The following NUP133 variants were observed in gnomAD, a reference collection of about 807,000 sequenced individuals.
NUP133 encodes the protein nuclear pore complex protein Nup133.
NUP133 carries 66 observed loss-of-function variants against 146.2 expected under a neutral mutation model. The observed-to-expected ratio is 0.45, with a 90% CI of 0.37 to 0.55. NUP133 has a LOEUF of 0.55. Ranked by LOEUF, NUP133 falls within the 20% of genes least tolerant of loss-of-function variation. The pLI is 0.00. For missense variants in NUP133, 1,277 were observed against 1,374.8 expected, an observed-to-expected ratio of 0.93 and a Z score of 1.12; for synonymous variants, 521 against 498.8, an observed-to-expected ratio of 1.04 and a Z score of -0.59.
chr1:229,477,666 G>C lies in NUP133; in HGVS notation c.1687C>G (p.Gln563Glu). The C allele has an allele frequency of 6.2e-7, 1 of 1,613,970 alleles. No homozygotes were observed. Among genetic ancestry groups the C allele is most frequent in the Non-Finnish European group, 8.5e-7 (1 of 1,179,938 alleles). Reference protein sequence around the residue: ...SDSELDRAVTQISVDLMDDYP... With the variant: ...SDSELDRAVTEISVDLMDDYP... ...TCATCCATCAGGTCTACACTGATTT[G>C]GGTAACTGCCCTGTCTAGTTCAGAA... The change falls in exon 13 of 26, where the codon CAA becomes GAA. Residue 563 changes from glutamine (Q) to glutamate (E), a missense_variant. This residue lies in a region of NUP133 where 952 missense variants were observed against 1,047.0 expected (regional missense o/e 0.91). Transcript: ENST00000261396.
chr1:229,472,785 G>A (rs1014196540), intron 14 of NUP133, among the ~76,000 whole-genome samples: 2 of 150,022 alleles, frequency 1.3e-5, no homozygotes, highest in East Asian at 3.9e-4. Context: ...GCTTCTGTAA[G>A]GTATGGAAAC....
At chr1:229,453,257 A>G (rs1660496120) in intron 21 of NUP133, among the ~76,000 whole-genome samples, 1 of 152,122 alleles carries the variant, frequency 6.6e-6, no homozygotes, top group East Asian at 1.9e-4. Context: ...ACAAATTTCC[A>G]TTTTTTAAAA....
At position 229,470,599 on chromosome 1, in the gene NUP133, G is replaced by A; in HGVS notation, c.2057C>T (p.Ala686Val). ...TCTTACCTCCCTGAAAAAGACATCT[G>A]CAGGAGTCAGGTTGGATGGGATTTC... ...EYEIPSNLTP[A>V]DVFFREVSQV... The change falls in exon 15 of 26, where the codon GCA (alanine) becomes GTA (valine). Residue 686 changes from alanine (A) to valine (V), a missense_variant. Physicochemically the swap from Ala to Val is moderately conservative, Grantham distance 64. Coordinates refer to ENST00000261396, the MANE Select transcript of NUP133 (RefSeq NM_018230.3). 1 of 1,614,022 alleles carries A rather than the reference G, an allele frequency of 6.2e-7. No homozygotes were observed. The highest frequency in any genetic ancestry group is 8.5e-7 in the Non-Finnish European group (1 of 1,179,864).
intron 2 of NUP133, among the ~76,000 whole-genome samples, chr1:229,504,776 A>G (rs1158928661): frequency 6.6e-6 from 1 of 152,210 alleles, no homozygotes; most frequent in Non-Finnish European, 1.5e-5. Flanking sequence ...CCTGTGGTCA[A>G]TCGTAGTCTG....
chr1:229,463,783 A>C, intron 18 of NUP133, 107 bp from the exon 19 acceptor site: 3 of 1,179,516 alleles, frequency 2.5e-6, no homozygotes, highest in Non-Finnish European at 3.5e-6. Flanking sequence ...TAAACCAACA[A>C]TCATTAATGG....
chr1:229,464,783 G>A lies in NUP133; in HGVS notation c.2392C>T (p.Arg798Ter), dbSNP rs757081632. ...ACCAGCTGCTCGGTCACGATGTTTC[G>A]GAGGTTGCTGTCTGCCTGTGGATAA... ...VAYPQADSNL[R>*]NIVTEQLVAL... Residue 798 changes from arginine (R) to a stop codon, truncating the protein, a stop_gained, in exon 18 of 26, where the codon CGA becomes TGA. Coordinates refer to ENST00000261396, the MANE Select transcript of NUP133 (RefSeq NM_018230.3). LOFTEE classifies it high-confidence loss of function. The A allele has an allele frequency of 1.9e-6, 3 of 1,614,144 alleles. No homozygotes were observed. Among genetic ancestry groups the A allele is most frequent in the Admixed American group, 1.7e-5 (1 of 60,018 alleles).
chr1:229,449,406 C>T lies in NUP133; in HGVS notation c.3181-216G>A, dbSNP rs971235826. 2.8e-5 allele frequency among the ~76,000 whole-genome samples: 4 copies of T among 145,040 alleles called. 1 individual carries two copies. Among genetic ancestry groups the T allele is most frequent in the African/African-American group, 7.7e-5 (3 of 38,952 alleles). ...TTTTTGAGACGGAGTCTCGCTCTGT[C>T]GCCCAAGCTGGAGTGCAGTGGCGCG... On this transcript the variant is annotated intron_variant, in intron 23 of 25. Coordinates refer to ENST00000261396, the MANE Select transcript of NUP133 (RefSeq NM_018230.3).
intron 21 of NUP133, among the ~76,000 whole-genome samples, chr1:229,457,259 ATT>A (rs1660590910): frequency 6.6e-6 from 1 of 152,220 alleles, no homozygotes; most frequent in South Asian, 2.1e-4. Context: ...AAGAAAATAT[ATT>A]GTTTTTAAAA....
chr1:229,447,334 T>C (rs1427887593), intron 24 of NUP133, among the ~76,000 whole-genome samples: 1 of 152,198 alleles, frequency 6.6e-6, no homozygotes, highest in Admixed American at 6.5e-5. Context: ...TACAATATGG[T>C]TAGAAGGTTA....
intron 24 of NUP133, among the ~76,000 whole-genome samples, chr1:229,447,973 C>T (rs936142499): frequency 1.3e-5 from 2 of 152,018 alleles, no homozygotes; most frequent in African/African-American, 2.4e-5. Flanking sequence ...AGCCAAAACC[C>T]GCCAAAACCC....
chr1:229,444,916 T>C lies in NUP133; in HGVS notation c.3332A>G (p.Asp1111Gly). Residue 1111 changes from aspartate to glycine, a missense_variant and splice_region_variant, in exon 25 of 26, where the codon GAT (aspartate) becomes GGT (glycine). Asp to Gly is a moderately conservative substitution (Grantham distance 94). This residue lies in a region of NUP133 where 952 missense variants were observed against 1,047.0 expected (regional missense o/e 0.91). Transcript: ENST00000261396. ...FVKILQKLLK[D>G]GIQLSEYLPE... is the part of the protein sequence containing the mutation. ...CGGTATAGTAACAAACCACTTACCATCTTTTAAAAGTTTCTGTAAGATCTT... is the reference window on the plus strand; with the variant it reads ...CGGTATAGTAACAAACCACTTACCACCTTTTAAAAGTTTCTGTAAGATCTT... 1 of 1,593,110 alleles carries C rather than the reference T, an allele frequency of 6.3e-7. No individual in the cohort carries two copies. Among genetic ancestry groups the C allele is most frequent in the Non-Finnish European group, 8.6e-7 (1 of 1,163,732 alleles).
At chr1:229,475,498 T>G (rs1661054465) in intron 14 of NUP133, 140 bp downstream of exon 14, 2 of 592,482 alleles carry the variant, frequency 3.4e-6, no homozygotes, top group East Asian at 2.7e-5. Context: ...AATTACGGAC[T>G]TTTAAATCAG....
intron 25 of NUP133, among the ~76,000 whole-genome samples, chr1:229,443,050 A>G (rs1660219479): frequency 6.6e-6 from 1 of 151,908 alleles, no homozygotes; most frequent in Non-Finnish European, 1.5e-5. Flanking sequence ...TTATTGAGAC[A>G]GGGTCTCCAC....
intron 14 of NUP133, among the ~76,000 whole-genome samples, chr1:229,475,320 A>G (rs771214736): frequency 3.9e-5 from 6 of 152,172 alleles, no homozygotes; most frequent in Non-Finnish European, 7.4e-5. Context: ...AATACTTTCA[A>G]TGAGGATTTG....
chr1:229,501,930 G>A, intron 3 of NUP133, 69 bp downstream of exon 3: 1 of 1,133,030 alleles, frequency 8.8e-7, no homozygotes, highest in Non-Finnish European at 1.3e-6. Flanking sequence ...AAAAAAATTA[G>A]GGTAAAAATG....
chr1:229,473,696 G>A (rs1476609606), intron 14 of NUP133, among the ~76,000 whole-genome samples: 1 of 152,154 alleles, frequency 6.6e-6, no homozygotes, highest in African/African-American at 2.4e-5. Flanking sequence ...GGCAGAGGCA[G>A]GCGATCACTT....
intron 8 of NUP133, 70 bp from the exon 9 acceptor site, chr1:229,490,172 C>T (rs992945522): frequency 1.5e-6 from 2 of 1,293,862 alleles, no homozygotes; most frequent in Non-Finnish European, 2.0e-6. Context: ...TAAAATTAAA[C>T]ATATGCTTCC....
At chr1:229,451,141 A>G (rs1010709737) in intron 22 of NUP133, 1 of 152,124 alleles carries the variant, frequency 6.6e-6, no homozygotes, top group Admixed American at 6.5e-5. Context: ...GCTCATGTCT[A>G]TAATCCCAGC....
chr1:229,460,097 T>C (rs549485125), intron 20 of NUP133, among the ~76,000 whole-genome samples: 1 of 152,344 alleles, frequency 6.6e-6, no homozygotes, highest in Admixed American at 6.5e-5. Context: ...TAAATTTGCA[T>C]TTCCCTAATG....
Sources: allele counts gnomAD v4.1 joint callset (sites outside exome capture counted in the v4.1 genomes callset), GRCh38; gene constraint gnomAD v4.1.1; regional missense constraint gnomAD v4.1.1; transcripts MANE v1.5; gene names NCBI Gene and HGNC (gene_info 2026-07-23, HGNC 2026-07-21).